Variants in VWA5B1 observed in about 807,000 individuals in gnomAD.
The protein encoded by VWA5B1 is von Willebrand factor A domain-containing protein 5B1.
VWA5B1 carries 115 observed loss-of-function variants against 118.2 expected under a neutral mutation model. The ratio of observed to expected loss-of-function variants is 0.97; its 90% CI spans 0.84 to 1.14. VWA5B1 has a LOEUF of 1.14. Among genes scored for constraint, VWA5B1 ranks in the 50% most tolerant of loss-of-function variants. The pLI is 0.00. For missense variants in VWA5B1, 1,596 were observed against 1,603.8 expected (o/e 1.00, Z 0.08); for synonymous variants, 682 against 658.4 (o/e 1.04, Z -0.55).
intron 1 of VWA5B1, among the ~76,000 whole-genome samples, chr1:20,291,351 T>TCTC (rs1557821867): frequency 3.9e-5 from 4 of 103,024 alleles, no homozygotes; most frequent in Non-Finnish European, 5.5e-5. Context: ...CTTTCTTTCT[T>TCTC]TCTTTCTTTC....
chr1:20,354,083 C>T lies in VWA5B1; in HGVS notation c.3468C>T (p.Tyr1156=). 1 of 1,551,574 alleles carries T rather than the reference C, an allele frequency of 6.4e-7. No homozygotes were observed. The highest frequency in any genetic ancestry group is 1.4e-5 in the African/African-American group (1 of 73,192). ...LAWLEHSSAS[Y]FTEWELVAAK... Reference sequence around the variant, plus strand: ...GGCTGGAGCACAGTTCGGCCTCCTACTTCACTGAGTGGGAGTTGGTGGCTG... The same window carrying T: ...GGCTGGAGCACAGTTCGGCCTCCTATTTCACTGAGTGGGAGTTGGTGGCTG... The change falls in exon 22 of 22, where the codon TAC becomes TAT. Residue 1156 remains tyrosine, a synonymous_variant. Transcript: ENST00000289815.
chr1:20,301,459 G>A (rs927498019), intron 1 of VWA5B1, among the ~76,000 whole-genome samples: 1 of 152,200 alleles, frequency 6.6e-6, no homozygotes, highest in African/African-American at 2.4e-5. Context: ...ACTGGAGAAG[G>A]AAGAGGAAAG....
intron 11 of VWA5B1, 137 bp from the exon 12 acceptor site, chr1:20,332,629 A>G: frequency 1.4e-6 from 1 of 737,728 alleles, no homozygotes; most frequent in East Asian, 2.9e-5. Flanking sequence ...AAGTGTGCTC[A>G]GTGCTAGGCA....
At chr1:20,320,892 C>T (rs77045255) in intron 7 of VWA5B1, among the ~76,000 whole-genome samples, 4 of 151,964 alleles carry the variant, frequency 2.6e-5, no homozygotes, top group Non-Finnish European at 4.4e-5. Context: ...CAAAAGAGCC[C>T]GTCTGGGCTG....
intron 11 of VWA5B1, among the ~76,000 whole-genome samples, chr1:20,331,406 C>A (rs2089551239): frequency 6.6e-6 from 1 of 152,194 alleles, no homozygotes; most frequent in South Asian, 2.1e-4. Context: ...AATAATCTAA[C>A]CCTTAGAAAA....
intron 19 of VWA5B1, 147 bp from the exon 20 acceptor site, chr1:20,350,710 A>G: frequency 1.4e-6 from 1 of 735,998 alleles, no homozygotes; most frequent in South Asian, 1.6e-5. Context: ...GAGCGGAAGG[A>G]GCTCCACAGC....
chr1:20,351,796 G>A (rs903105139), intron 20 of VWA5B1, among the ~76,000 whole-genome samples: 8 of 152,192 alleles, frequency 5.3e-5, no homozygotes, highest in African/African-American at 1.9e-4. Context: ...GACAGAGTGA[G>A]ATCCTGTCTC....
In VWA5B1 at chr1:20,356,568, T is replaced by C. The variant is rs1170310673; in HGVS notation, c.*2305T>C. ...TGAGGTGAACCGGTCTCTGCCAGCA[T>C]AGAACTAGTGCTACAAGATGCCTAG... On this transcript the variant is annotated 3_prime_UTR_variant, in exon 22 of 22. Transcript: ENST00000289815. Among the ~76,000 whole-genome samples, 2 of 152,176 alleles carry C rather than the reference T, an allele frequency of 1.3e-5. No individual in the cohort carries two copies. The highest frequency in any genetic ancestry group is 1.5e-5 in the Non-Finnish European group (1 of 68,032).
chr1:20,348,187 A>G, intron 17 of VWA5B1, 58 bp from the exon 18 acceptor site: 1 of 1,461,842 alleles, frequency 6.8e-7, no homozygotes, highest in Non-Finnish European at 9.4e-7. Context: ...TCTGGGGGAA[A>G]GGCAAAGGAC....
In VWA5B1 at chr1:20,350,845, G is replaced by A; in HGVS notation, c.2954-12G>A. On this transcript the variant is annotated splice_polypyrimidine_tract_variant and intron_variant, in intron 19 of 21. Transcript: ENST00000289815. The stretch of plus-strand genomic sequence containing the variant: ...CTTCAGGTCTCAACTTGGTCATTCT[G>A]TGGCTCTCCAGGTCCCCAGCGCAGC... 1 of 1,551,734 alleles carries A rather than the reference G, an allele frequency of 6.4e-7. No individual in the cohort carries two copies. The highest frequency in any genetic ancestry group is 8.7e-7 in the Non-Finnish European group (1 of 1,146,968).
rs1348551342 is a variant in VWA5B1 at position 20,348,374 on chromosome 1, T to C, written c.2878+16T>C. On this transcript the variant is annotated intron_variant, in intron 18 of 21. Transcript: ENST00000289815. ...CCAGGAAATGGTAAATTTCAGGCCC[T>C]AAGTAAGAGCCACCCTGGGCACTTT... is the stretch of plus-strand genomic sequence containing the variant. The C allele has an allele frequency of 6.4e-7, 1 of 1,551,342 alleles. No individual in the cohort carries two copies. The highest frequency in any genetic ancestry group is 8.7e-7 in the Non-Finnish European group (1 of 1,146,906).
intron 14 of VWA5B1, 85 bp from the exon 15 acceptor site, chr1:20,342,347 C>A (rs933372103): frequency 7.1e-6 from 10 of 1,417,266 alleles, no homozygotes; most frequent in Non-Finnish European, 9.6e-6. Flanking sequence ...GAGGGTCCAG[C>A]CACCAGGAGC....
Position 20,318,544 on chromosome 1 carries a change from C to T in VWA5B1, c.710-46C>T, listed in dbSNP as rs1449794523. ...GTGCCCCAGCGAACTCCTCTCTCTC[C>T]TGACCTCATGAGCCTATATCCCCCT... On this transcript the variant is annotated intron_variant, in intron 5 of 21. Coordinates refer to ENST00000289815, the MANE Select transcript of VWA5B1 (RefSeq NM_001039500.3). The T allele has an allele frequency of 3.2e-6, 5 of 1,549,384 alleles. No homozygotes were observed. In the Admixed American group the frequency reaches 9.8e-5, roughly 30 times the overall value.
In VWA5B1 at chr1:20,317,564, G is replaced by C; in HGVS notation, c.598G>C (p.Gly200Arg). Residue 200 changes from glycine (G) to arginine (R), a missense_variant, in exon 5 of 22, where the codon GGC (glycine) becomes CGC (arginine). Coordinates refer to ENST00000289815, the MANE Select transcript of VWA5B1 (RefSeq NM_001039500.3). ...GCACTGCTTCGGTGCCTGGGCCCCG[G>C]GCTCCTGGAATAAGTTGTGCCTGGC... ...DRHCFGAWAP[G>R]SWNKLCLATL... is the part of the protein sequence containing the mutation. The C allele has an allele frequency of 6.4e-7, 1 of 1,551,676 alleles. No homozygotes were observed. Among genetic ancestry groups the C allele is most frequent in the African/African-American group, 1.4e-5 (1 of 73,134 alleles).
intron 18 of VWA5B1, 90 bp from the exon 19 acceptor site, chr1:20,350,066 A>G (rs1039145744): frequency 2.2e-6 from 3 of 1,342,070 alleles, no homozygotes; most frequent in Non-Finnish European, 3.1e-6. Context: ...CCACCTGCAG[A>G]CACCGTGAAT....
In VWA5B1 at chr1:20,336,410, G is replaced by T; in HGVS notation, c.1866G>T (p.Lys622Asn). ...GPGLEGGDCA[K>N]NSGAPFILGQ... ...GGCTGGAAGGTGGAGACTGTGCCAA[G>T]AACTCGGGGGCACCCTTCATCCTAG... Residue 622 changes from lysine to asparagine, a missense_variant, in exon 13 of 22, where the codon AAG (lysine) becomes AAT (asparagine). Physicochemically the swap from Lys to Asn is moderately conservative, Grantham distance 94 (BLOSUM62 0). Transcript: ENST00000289815. 1 of 1,526,004 alleles carries T rather than the reference G, an allele frequency of 6.6e-7. No homozygotes were observed. The highest frequency in any genetic ancestry group is 1.7e-4 in the Middle Eastern group (1 of 5,942). 94.5% of individuals were successfully genotyped at this position (1,526,004 alleles called of 1,614,324 possible).
At position 20,312,484 on chromosome 1, in the gene VWA5B1, C is replaced by A. The variant is rs560271841; in HGVS notation, c.140-352C>A. 3.5e-4 allele frequency among the ~76,000 whole-genome samples: 54 copies of A among 152,336 alleles called. 2 individuals are homozygous for A. The South Asian group carries it at 8.5e-3, about 24-fold the overall frequency. On this transcript the variant is annotated intron_variant, in intron 2 of 21. Transcript: ENST00000289815. ...TCCTCCAAAGCCCCAATCTTCCATGCCACAGGTGGCAAACCTGTGGCCCAT... is the reference window on the plus strand; with the variant it reads ...TCCTCCAAAGCCCCAATCTTCCATGACACAGGTGGCAAACCTGTGGCCCAT...
chr1:20,342,371 TCTCCTC>T lies in VWA5B1; in HGVS notation c.2134-45_2134-40del, dbSNP rs368745611. On this transcript the variant is annotated intron_variant, in intron 14 of 21. Coordinates refer to ENST00000289815, the MANE Select transcript of VWA5B1 (RefSeq NM_001039500.3). ...GCCACCAGGAGCTCTTCCTCCTCCT[TCTCCTC>T]CTCCTCCTCCTCCTCGTCCTCCTCC... 1.5e-4 allele frequency: 219 copies of T among 1,482,024 alleles called. No homozygotes were observed. In the African/African-American group the frequency reaches 2.2e-3, roughly 15 times the overall value. The allele number at this position is 1,482,024 out of a possible 1,614,324, so 91.8% of individuals were successfully genotyped here. A position where few individuals can be genotyped will look rare whatever the true frequency, so the allele number is the denominator to read the frequency against.
At chr1:20,312,738 C>T in intron 2 of VWA5B1, 98 bp from the exon 3 acceptor site, 1 of 1,393,664 alleles carries the variant, frequency 7.2e-7, no homozygotes. Context: ...GCAGTGGGCA[C>T]CACCCAACAG....
Sources: gnomAD v4.1 joint callset for allele counts (sites outside exome capture counted in the v4.1 genomes callset) on GRCh38, gnomAD v4.1.1 for gene constraint, MANE v1.5 for transcripts, NCBI Gene and HGNC (gene_info 2026-07-23, HGNC 2026-07-21) for gene names.